Variants in SMC2 observed in about 807,000 individuals in gnomAD.
The protein encoded by SMC2 is structural maintenance of chromosomes protein 2.
In SMC2, 41 loss-of-function variants were observed where a neutral mutation model predicts 142.6. The observed-to-expected ratio is 0.29, with a 90% CI of 0.22 to 0.37. The LOEUF is 0.37. SMC2 is among the 10% of genes least tolerant of loss of function. The probability of loss-of-function intolerance (pLI) is 1.00; values close to 1 mark genes in which losing one functional copy is unlikely to be tolerated. For synonymous variants in SMC2, 463 were observed against 457.5 expected, an observed-to-expected ratio of 1.01 and a Z score of -0.15; for missense variants, 1,265 against 1,373.7, an observed-to-expected ratio of 0.92 and a Z score of 1.25.
intron 23 of SMC2, among the ~76,000 whole-genome samples, chr9:104,136,757 T>C (rs1366215705): frequency 2.8e-5 from 4 of 141,006 alleles, no homozygotes; most frequent in Non-Finnish European, 6.2e-5. Context: ...GTTTTATTCT[T>C]TTTTTTTTTT....
chr9:104,123,081 T>A (rs763560512), intron 16 of SMC2, 27 bp from the exon 17 acceptor site: 1 of 1,586,634 alleles, frequency 6.3e-7, no homozygotes, highest in Middle Eastern at 1.7e-4. Flanking sequence ...ATGACAGTCA[T>A]TTCTTACATG....
chr9:104,097,825 C>A (rs74436467), intron 3 of SMC2, among the ~76,000 whole-genome samples: 2,102 of 152,172 alleles, frequency 0.014, 49 homozygotes, highest in African/African-American at 0.048. Flanking sequence ...CTTGAATGTA[C>A]TGGGATGTAC....
At chr9:104,132,167 A>G in intron 22 of SMC2, 42 bp downstream of exon 22, 1 of 1,022,988 alleles carries the variant, frequency 9.8e-7, no homozygotes, top group East Asian at 2.4e-5. Context: ...CAAGGATGAA[A>G]AAATATCATC....
chr9:104,125,016 G>T lies in SMC2; in HGVS notation c.2362G>T (p.Glu788Ter). ...AATGAAAAATGCAGAAGCTGAAAGA[G>T]AGCGAGAACTGAAAGATGCTCAGAA... Reference protein sequence around the residue: ...NKMKNAEAERERELKDAQKKL... With the variant: ...NKMKNAEAER The change falls in exon 18 of 25, where the codon GAG (glutamate) becomes TAG (stop). Residue 788 changes from glutamate to a stop codon, truncating the protein, a stop_gained. Transcript: ENST00000374793. LOFTEE classifies it high-confidence loss of function. 1 of 1,608,038 alleles carries T rather than the reference G, an allele frequency of 6.2e-7. No individual in the cohort carries two copies. Among genetic ancestry groups the T allele is most frequent in the South Asian group, 1.1e-5 (1 of 89,412 alleles).
chr9:104,096,441 C>T (rs1830452623), intron 3 of SMC2, 144 bp downstream of exon 3: 3 of 681,762 alleles, frequency 4.4e-6, no homozygotes, highest in Non-Finnish European at 7.5e-6. Flanking sequence ...TTAATGTCTT[C>T]CTTATATTAA....
Position 104,125,075 on chromosome 9 carries a change from A to G in SMC2, c.2421A>G (p.Ala807=), listed in dbSNP as rs368948237. ...ATTGTGCCAAAACAAAGGCAGATGC[A>G]TCTAGCAAGAAGATGAAAGAAAAAC... The part of the protein sequence containing the change: ...KLDCAKTKAD[A]SSKKMKEKQQ... Residue 807 remains alanine (A), a synonymous_variant, in exon 18 of 25, where the codon GCA becomes GCG. Transcript: ENST00000374793. 1.6e-5 allele frequency: 26 copies of G among 1,579,882 alleles called. No individual in the cohort carries two copies. Among genetic ancestry groups the G allele is most frequent in the Non-Finnish European group, 2.2e-5 (26 of 1,171,472 alleles).
At chr9:104,135,794 A>ACATCC (rs1835463603) in intron 23 of SMC2, 2 of 517,016 alleles carry the variant, frequency 3.9e-6, no homozygotes, top group African/African-American at 3.9e-5. Context: ...AAGTGCTGAA[A>ACATCC]GTATATGTCA....
intron 23 of SMC2, among the ~76,000 whole-genome samples, chr9:104,135,085 C>T (rs1455575437): frequency 2.0e-5 from 3 of 151,988 alleles, no homozygotes; most frequent in Non-Finnish European, 4.4e-5. Flanking sequence ...TTTATCAGAA[C>T]AAAGGCCAGT....
the SMC2 span, among the ~76,000 whole-genome samples, chr9:104,088,687 A>G: frequency 2.6e-5 from 4 of 152,134 alleles, no homozygotes; most frequent in Admixed American, 1.3e-4. Context: ...TGCATCATAC[A>G]TTACATTTAT....
chr9:104,100,260 T>G, intron 6 of SMC2, 57 bp downstream of exon 6: 1 of 1,431,360 alleles, frequency 7.0e-7, no homozygotes, highest in South Asian at 1.3e-5. Context: ...CATGTAGAGT[T>G]TTTGCTGTAA....
At chr9:104,111,069 T>C (rs1014766819) in intron 9 of SMC2, among the ~76,000 whole-genome samples, 1 of 152,248 alleles carries the variant, frequency 6.6e-6, no homozygotes, top group Non-Finnish European at 1.5e-5. Context: ...TTTTCTTTTT[T>C]CAGGTCTGGT....
At position 104,134,425 on chromosome 9, in the gene SMC2, A is replaced by ACTT; in HGVS notation, c.3120_3122dup (p.Phe1041dup). ...ATTTTTTAAATCCAGGTGAACAAGG[A>ACTT]CTTTGGGTCTATTTTTTCTACTCTT... On this transcript the variant is annotated inframe_insertion, in exon 23 of 25. Coordinates refer to ENST00000374793, the MANE Select transcript of SMC2 (RefSeq NM_006444.3). The ACTT allele has an allele frequency of 6.3e-7, 1 of 1,582,532 alleles. No homozygotes were observed. The highest frequency in any genetic ancestry group is 8.6e-7 in the Non-Finnish European group (1 of 1,168,848).
chr9:104,100,505 A>G, intron 7 of SMC2, 72 bp downstream of exon 7: 2 of 936,900 alleles, frequency 2.1e-6, no homozygotes, highest in Non-Finnish European at 1.7e-6. Flanking sequence ...AAAATCATAC[A>G]CATAGTGATA....
the SMC2 span, among the ~76,000 whole-genome samples, chr9:104,088,287 G>A: frequency 6.6e-6 from 1 of 151,442 alleles, no homozygotes; most frequent in South Asian, 2.1e-4. Context: ...TTCTTTTCTG[G>A]CACCTTAATG....
At chr9:104,100,776 G>A (rs531613497) in intron 7 of SMC2, among the ~76,000 whole-genome samples, 1 of 152,242 alleles carries the variant, frequency 6.6e-6, no homozygotes, top group South Asian at 2.1e-4. Context: ...CCCTCATTGA[G>A]AACAATTTCC....
At chr9:104,131,961 A>G (rs764962713) in intron 21 of SMC2, 48 bp from the exon 22 acceptor site, 66 of 947,528 alleles carry the variant, frequency 7.0e-5, no homozygotes, top group Non-Finnish European at 1.1e-4. Flanking sequence ...TCCAGAATAT[A>G]GAAGAGATTT....
At chr9:104,096,388 A>G in intron 3 of SMC2, 91 bp downstream of exon 3, 1 of 1,236,096 alleles carries the variant, frequency 8.1e-7, no homozygotes. Context: ...TGCTAGAGAA[A>G]GTTCATGAGC....
intron 9 of SMC2, among the ~76,000 whole-genome samples, chr9:104,103,494 GGAGA>G (rs1415585151): frequency 1.3e-5 from 2 of 152,186 alleles, no homozygotes; most frequent in African/African-American, 4.8e-5. Context: ...TTGTGATTCA[GGAGA>G]GAGAGATGGG....
At chr9:104,109,014 C>T (rs1380987767) in intron 9 of SMC2, among the ~76,000 whole-genome samples, 1 of 152,166 alleles carries the variant, frequency 6.6e-6, no homozygotes, top group East Asian at 1.9e-4. Context: ...GCCATTCCCT[C>T]TATCAGAATG....
Sources: gnomAD v4.1 joint callset for allele counts (sites outside exome capture counted in the v4.1 genomes callset) on GRCh38, gnomAD v4.1.1 for gene constraint, MANE v1.5 for transcripts, NCBI Gene and HGNC (gene_info 2026-07-23, HGNC 2026-07-21) for gene names.